GSE1: variants seen among roughly 807,000 people sequenced by gnomAD.
GSE1 encodes the protein genetic suppressor element 1.
GSE1 carries 32 observed loss-of-function variants against 112.6 expected under a neutral mutation model. The ratio of observed to expected loss-of-function variants is 0.28; its 90% CI spans 0.21 to 0.38. The LOEUF (loss-of-function observed/expected upper bound fraction) is 0.38. GSE1 is among the 10% of genes least tolerant of loss of function. The probability of loss-of-function intolerance (pLI) is 1.00; values close to 1 mark genes in which losing one functional copy is unlikely to be tolerated. For missense variants in GSE1, 2,348 were observed against 1,699.2 expected, an observed-to-expected ratio of 1.38 and a Z score of -6.71; for synonymous variants, 1,115 against 735.6, an observed-to-expected ratio of 1.52 and a Z score of -8.35.
At chr16:85,601,376 T>G (rs544317934) in intron 1 of GSE1, among the ~76,000 whole-genome samples, 218 of 152,052 alleles carry the variant, frequency 1.4e-3, no homozygotes, top group Non-Finnish European at 2.0e-3. Flanking sequence ...GGAGCAACTT[T>G]ACTGGCACTG....
At chr16:85,543,245 C>G (rs957852023) in intron 2 of GSE1, among the ~76,000 whole-genome samples, 1 of 151,292 alleles carries the variant, frequency 6.6e-6, no homozygotes, top group Admixed American at 6.6e-5. Context: ...CTTTGCCTTG[C>G]TTTTCCCAAA....
chr16:85,436,983 C>A, intron 2 of GSE1, among the ~76,000 whole-genome samples: 1 of 152,254 alleles, frequency 6.6e-6, no homozygotes, highest in South Asian at 2.1e-4. Flanking sequence ...CCGTCGAGGT[C>A]GACGCGGCGG....
At chr16:85,408,583 G>GA (rs1468258399) in intron 2 of GSE1, among the ~76,000 whole-genome samples, 4 of 17,218 alleles carry the variant, frequency 2.3e-4, no homozygotes, top group African/African-American at 2.5e-4. Context: ...TTACACTCAG[G>GA]CCCCCCTGGA....
At chr16:85,290,019 C>T (rs905754457) in intron 1 of GSE1, among the ~76,000 whole-genome samples, 3 of 152,084 alleles carry the variant, frequency 2.0e-5, no homozygotes, top group Admixed American at 6.6e-5. Flanking sequence ...TTAAGAAGGC[C>T]GGGGAGCAGA....
intron 2 of GSE1, among the ~76,000 whole-genome samples, chr16:85,478,600 G>A (rs111405946): frequency 0.034 from 5,179 of 151,398 alleles, 299 homozygotes; most frequent in African/African-American, 0.12. Flanking sequence ...TGGCCATGTG[G>A]GCTAGCTCTA....
At chr16:85,644,343 CA>C (rs749279315) in intron 2 of GSE1, among the ~76,000 whole-genome samples, 275 of 119,624 alleles carry the variant, frequency 2.3e-3, no homozygotes, top group Admixed American at 3.6e-3. Context: ...GATCCTGTCT[CA>C]AAAAAAAAAA....
At chr16:85,510,368 C>T (rs1007774471) in intron 2 of GSE1, among the ~76,000 whole-genome samples, 2 of 152,180 alleles carry the variant, frequency 1.3e-5, no homozygotes, top group African/African-American at 2.4e-5. Context: ...TGGGCTCACC[C>T]ACCGCTTCCC....
At chr16:85,541,553 C>A (rs923496973) in intron 2 of GSE1, among the ~76,000 whole-genome samples, 3 of 152,360 alleles carry the variant, frequency 2.0e-5, no homozygotes, top group African/African-American at 7.2e-5. Context: ...GCCCAGCAGA[C>A]CCCTGCCAGC....
At chr16:85,225,865 T>C (rs1872632883) in intron 1 of GSE1, among the ~76,000 whole-genome samples, 2 of 152,192 alleles carry the variant, frequency 1.3e-5, no homozygotes, top group South Asian at 2.1e-4. Flanking sequence ...AGCTGGCTGC[T>C]CCCACACAAG....
intron 3 of GSE1, among the ~76,000 whole-genome samples, chr16:85,652,746 C>A (rs1169214914): frequency 6.6e-6 from 1 of 151,842 alleles, no homozygotes; most frequent in Non-Finnish European, 1.5e-5. Context: ...CAGGCACGGC[C>A]CCTGGGAGAC....
At chr16:85,654,663 C>T in intron 4 of GSE1, 131 bp from the exon 5 acceptor site, 2 of 738,770 alleles carry the variant, frequency 2.7e-6, no homozygotes, top group East Asian at 2.7e-5. Context: ...AAGCCCCGTC[C>T]TCGTTCGGGG....
chr16:85,486,092 C>T (rs1242561114), intron 2 of GSE1, among the ~76,000 whole-genome samples: 1 of 152,198 alleles, frequency 6.6e-6, no homozygotes, highest in Non-Finnish European at 1.5e-5. Context: ...GCCCTGCCAA[C>T]TGGGGGCACC....
chr16:85,657,147 T>C (rs1257289490), intron 7 of GSE1, 130 bp from the exon 8 acceptor site: 1 of 610,808 alleles, frequency 1.6e-6, no homozygotes, highest in Non-Finnish European at 2.7e-6. Context: ...CTGAATATCT[T>C]GGTTCTGGCT....
At chr16:85,424,030 C>G (rs1316300573) in intron 2 of GSE1, among the ~76,000 whole-genome samples, 1 of 152,260 alleles carries the variant, frequency 6.6e-6, no homozygotes, top group Non-Finnish European at 1.5e-5. Flanking sequence ...ACCAGGGAGG[C>G]CAGAGCCTCC....
At chr16:85,660,970 C>G (rs1024808111) in intron 8 of GSE1, among the ~76,000 whole-genome samples, 176 bp from the exon 9 acceptor site, 1 of 152,162 alleles carries the variant, frequency 6.6e-6, no homozygotes, top group African/African-American at 2.4e-5. Flanking sequence ...AAATGAAAGA[C>G]AGAAACAATG....
intron 2 of GSE1, among the ~76,000 whole-genome samples, chr16:85,381,105 ACTCCCC>A (rs2047536918): frequency 6.6e-6 from 1 of 151,564 alleles, no homozygotes; most frequent in African/African-American, 2.4e-5. Context: ...GCCGTTCCTC[ACTCCCC>A]CACCTTCCTT....
intron 1 of GSE1, among the ~76,000 whole-genome samples, chr16:85,273,697 G>T (rs1290165490): frequency 6.6e-6 from 1 of 151,832 alleles, no homozygotes; most frequent in Non-Finnish European, 1.5e-5. Flanking sequence ...TCTCCTTTTT[G>T]GTTTTTTTTG....
intron 2 of GSE1, among the ~76,000 whole-genome samples, chr16:85,415,606 C>G (rs2048686173): frequency 6.6e-6 from 1 of 152,240 alleles, no homozygotes; most frequent in Admixed American, 6.5e-5. Context: ...CAGCAGCTGG[C>G]CTCTGCTGAC....
intron 2 of GSE1, among the ~76,000 whole-genome samples, chr16:85,388,139 T>G (rs1334870168): frequency 6.8e-5 from 7 of 102,588 alleles, no homozygotes; most frequent in South Asian, 6.4e-4. Flanking sequence ...TGGATGGATG[T>G]ATGGATTGGT....
Sources: gnomAD v4.1 joint callset for allele counts (sites outside exome capture counted in the v4.1 genomes callset) on GRCh38, gnomAD v4.1.1 for gene constraint, MANE v1.5 for transcripts, NCBI Gene and HGNC (gene_info 2026-07-23, HGNC 2026-07-21) for gene names.